MIPEP: variants seen among roughly 807,000 people sequenced by gnomAD.
MIPEP encodes the protein mitochondrial intermediate peptidase.
MIPEP carries 79 observed loss-of-function variants against 90.3 expected under a neutral mutation model. The ratio of observed to expected loss-of-function variants is 0.87; its 90% CI spans 0.73 to 1.05. MIPEP has a LOEUF of 1.05. Among genes scored for constraint, MIPEP ranks in the 50% least tolerant of loss-of-function variants. The pLI is 0.00. For synonymous variants in MIPEP, 334 were observed against 315.8 expected, an observed-to-expected ratio of 1.06 and a Z score of -0.61; for missense variants, 940 against 905.6, an observed-to-expected ratio of 1.04 and a Z score of -0.49.
At position 23,874,839 on chromosome 13, in the gene MIPEP, GA is replaced by G. The variant is rs1870992036; in HGVS notation, c.603+6del. ...GGAAGAGTCAAAAAAACAGCAGAAA[GA>G]TGTACCTTTTCTTTGTCTAGATGGA... On this transcript the variant is annotated splice_donor_region_variant and intron_variant, in intron 5 of 18. Transcript: ENST00000382172. The G allele has an allele frequency of 3.2e-6, 5 of 1,582,724 alleles. No individual in the cohort carries two copies. Among genetic ancestry groups the G allele is most frequent in the African/African-American group, 1.4e-5 (1 of 72,828 alleles).
intron 14 of MIPEP, among the ~76,000 whole-genome samples, chr13:23,832,458 G>C (rs906353006): frequency 9.9e-5 from 15 of 152,018 alleles, no homozygotes; most frequent in African/African-American, 3.6e-4. Context: ...TAAATAACAA[G>C]GGGATCCCAC....
chr13:23,809,635 G>C (rs1953150195), intron 15 of MIPEP, among the ~76,000 whole-genome samples: 1 of 152,166 alleles, frequency 6.6e-6, no homozygotes, highest in Non-Finnish European at 1.5e-5. Flanking sequence ...GAGCCACTGT[G>C]CCTGGCCAGG....
chr13:23,837,346 G>C (rs936812000), intron 13 of MIPEP, among the ~76,000 whole-genome samples: 1 of 152,140 alleles, frequency 6.6e-6, no homozygotes, highest in Non-Finnish European at 1.5e-5. Context: ...ATTATTCCCT[G>C]GTGAAAGCTG....
At chr13:23,761,788 C>A (rs919367632) in intron 16 of MIPEP, among the ~76,000 whole-genome samples, 6 of 152,192 alleles carry the variant, frequency 3.9e-5, no homozygotes, top group Non-Finnish European at 7.3e-5. Context: ...AGCAATCATC[C>A]ACTTTCTTCT....
At chr13:23,841,848 C>T (rs1259579858) in intron 10 of MIPEP, among the ~76,000 whole-genome samples, 1 of 152,056 alleles carries the variant, frequency 6.6e-6, no homozygotes, top group Non-Finnish European at 1.5e-5. Context: ...ATAATGGTAA[C>T]TCTTACCTTA....
chr13:23,888,808 G>T, intron 1 of MIPEP: 1 of 1,014,654 alleles, frequency 9.9e-7, no homozygotes, highest in Non-Finnish European at 1.2e-6. Context: ...GGGTGCGCCT[G>T]AGTGTATGCA....
intron 14 of MIPEP, among the ~76,000 whole-genome samples, chr13:23,815,225 C>A (rs1266860158): frequency 6.6e-6 from 1 of 152,110 alleles, no homozygotes; most frequent in Non-Finnish European, 1.5e-5. Flanking sequence ...TCTATACATT[C>A]TTAGAAGACA....
intron 16 of MIPEP, among the ~76,000 whole-genome samples, chr13:23,778,031 T>C (rs1274323416): frequency 6.6e-6 from 1 of 152,322 alleles, no homozygotes; most frequent in Middle Eastern, 3.4e-3. Context: ...TTAAAGGACT[T>C]AGCAGTATGA....
chr13:23,836,229 A>C lies in MIPEP; in HGVS notation c.1653+11T>G. ...ACCCAAAGGACAAGACGACAATATT[A>C]CTGTTCCTACCTGTCCAGTCTGATA... On this transcript the variant is annotated intron_variant, in intron 14 of 18. Coordinates refer to ENST00000382172, the MANE Select transcript of MIPEP (RefSeq NM_005932.4). 6.6e-7 allele frequency: 1 copy of C among 1,521,050 alleles called. No individual in the cohort carries two copies. The highest frequency in any genetic ancestry group is 8.9e-7 in the Non-Finnish European group (1 of 1,124,582). 94.2% of individuals were successfully genotyped at this position (1,521,050 alleles called of 1,614,324 possible). A position where few individuals can be genotyped will look rare whatever the true frequency, so the allele number is the denominator to read the frequency against.
chr13:23,841,444 C>T lies in MIPEP; in HGVS notation c.1151G>A (p.Gly384Glu). Residue 384 changes from glycine (G) to glutamate (E), a missense_variant, in exon 11 of 19, where the codon GGA (glycine) becomes GAA (glutamate). By Grantham distance (98) the Gly-to-Glu change is moderately conservative (BLOSUM62 -2). Transcript: ENST00000382172. ...PSLYCPFFSL[G>E]ACMEGLNILL... ...AATATTCAGGCCTTCCATGCATGCTCCAAGAGAGAAAAACGGGCAATATAG... is the reference window on the plus strand; with the variant it reads ...AATATTCAGGCCTTCCATGCATGCTTCAAGAGAGAAAAACGGGCAATATAG... 2.5e-6 allele frequency: 4 copies of T among 1,613,932 alleles called. No homozygotes were observed. Among genetic ancestry groups the T allele is most frequent in the Non-Finnish European group, 3.4e-6 (4 of 1,179,984 alleles).
rs138161046 is a variant in MIPEP at position 23,805,975 on chromosome 13, T to C, written c.1823A>G (p.Tyr608Cys). The change falls in exon 16 of 19, where the codon TAT (tyrosine) becomes TGT (cysteine). Residue 608 changes from tyrosine (Y) to cysteine (C), a missense_variant. Coordinates refer to ENST00000382172, the MANE Select transcript of MIPEP (RefSeq NM_005932.4). Reference protein sequence around the residue: ...DILKETQEKFYGLPYVPNTAW... With the variant: ...DILKETQEKFCGLPYVPNTAW... ...AGTATTTGGAACATATGGTAGGCCA[T>C]AGAATTTCTCTTGTGTTTCCTTGAG... 85 of 1,614,054 alleles carry C rather than the reference T, an allele frequency of 5.3e-5. No individual in the cohort carries two copies. Among genetic ancestry groups the C allele is most frequent in the Middle Eastern group, 1.7e-4 (1 of 6,058 alleles).
chr13:23,798,296 C>T (rs1952986805), intron 16 of MIPEP, among the ~76,000 whole-genome samples: 1 of 152,110 alleles, frequency 6.6e-6, no homozygotes, highest in Non-Finnish European at 1.5e-5. Flanking sequence ...GTTTGTTACA[C>T]ATAGAAAATT....
At position 23,837,598 on chromosome 13, in the gene MIPEP, A is replaced by G; in HGVS notation, c.1497T>C (p.His499=). 1 of 1,614,140 alleles carries G rather than the reference A, an allele frequency of 6.2e-7. No homozygotes were observed. The highest frequency in any genetic ancestry group is 8.5e-7 in the Non-Finnish European group (1 of 1,179,982). The change falls in exon 13 of 19, where the codon CAT becomes CAC. Residue 499 remains histidine (H), a synonymous_variant. Transcript: ENST00000382172. ...TACGTCCTAGCATTGAATGCATGGC[A>G]TGTCCCATTTCATGGAAAAGATTTT... The part of the protein sequence containing the change: ...MMENLFHEMG[H]AMHSMLGRTR...
chr13:23,736,963 T>A (rs756258363), intron 18 of MIPEP, among the ~76,000 whole-genome samples: 9 of 152,238 alleles, frequency 5.9e-5, no homozygotes, highest in Non-Finnish European at 1.0e-4. Context: ...AGCGCTATGA[T>A]ATATTGCCTC....
intron 2 of MIPEP, among the ~76,000 whole-genome samples, chr13:23,885,458 T>C (rs924239059): frequency 1.3e-5 from 2 of 152,186 alleles, no homozygotes; most frequent in African/African-American, 2.4e-5. Context: ...ATTGGATTGT[T>C]TGTAACAGAA....
intron 17 of MIPEP, among the ~76,000 whole-genome samples, chr13:23,759,566 G>C (rs995783526): frequency 2.6e-5 from 4 of 151,930 alleles, no homozygotes; most frequent in African/African-American, 9.7e-5. Flanking sequence ...CACCCTCCAG[G>C]AAGCAAGGGA....
chr13:23,845,824 T>C (rs768404819), intron 10 of MIPEP, among the ~76,000 whole-genome samples: 12 of 152,214 alleles, frequency 7.9e-5, no homozygotes, highest in East Asian at 3.8e-4. Flanking sequence ...TCTTTAGCTA[T>C]GTGTGCTGCA....
intron 15 of MIPEP, among the ~76,000 whole-genome samples, chr13:23,806,945 A>C (rs1003794780): frequency 1.3e-5 from 2 of 152,282 alleles, no homozygotes; most frequent in Admixed American, 6.5e-5. Context: ...TAGAGAAAGA[A>C]ATAGCAATGC....
chr13:23,747,651 C>A, intron 18 of MIPEP: 4 of 417,382 alleles, frequency 9.6e-6, no homozygotes, highest in South Asian at 5.2e-5. Flanking sequence ...AAATATTTAG[C>A]CTGTAAAATA....
Sources: gnomAD v4.1 joint callset for allele counts (sites outside exome capture counted in the v4.1 genomes callset) on GRCh38, gnomAD v4.1.1 for gene constraint, MANE v1.5 for transcripts, NCBI Gene and HGNC (gene_info 2026-07-23, HGNC 2026-07-21) for gene names.